Variants in RELN observed in about 807,000 individuals in gnomAD.
RELN encodes the protein reelin.
In RELN, 108 loss-of-function variants were observed where a neutral mutation model predicts 427.6. The observed-to-expected ratio is 0.25, with a 90% CI of 0.22 to 0.30. The LOEUF is 0.30. RELN is among the 10% of genes least tolerant of loss of function. RELN has a pLI of 1.00. For missense variants in RELN, 3,715 were observed against 4,302.8 expected, an observed-to-expected ratio of 0.86 and a Z score of 3.82; for synonymous variants, 1,524 against 1,513.4, an observed-to-expected ratio of 1.01 and a Z score of -0.16.
At chr7:103,779,802 G>C (rs531395985) in intron 3 of RELN, among the ~76,000 whole-genome samples, 2 of 151,988 alleles carry the variant, frequency 1.3e-5, no homozygotes, top group African/African-American at 4.8e-5. Flanking sequence ...ATCTTGGCTC[G>C]CTGCAACCAC....
chr7:103,946,782 G>T (rs1796228157), intron 1 of RELN, among the ~76,000 whole-genome samples: 1 of 152,248 alleles, frequency 6.6e-6, no homozygotes, highest in Admixed American at 6.5e-5. Flanking sequence ...TGAAATTCTT[G>T]ACACATTTGT....
At chr7:103,828,160 A>G (rs1793187127) in intron 3 of RELN, among the ~76,000 whole-genome samples, 1 of 151,996 alleles carries the variant, frequency 6.6e-6, no homozygotes, top group African/African-American at 2.4e-5. Flanking sequence ...AGAATTCTCC[A>G]GACAGTCTAG....
chr7:103,581,381 A>G (rs1446634350), intron 28 of RELN, among the ~76,000 whole-genome samples: 1 of 152,052 alleles, frequency 6.6e-6, no homozygotes, highest in African/African-American at 2.4e-5. Flanking sequence ...TATGTTGGGT[A>G]AGGGTAAAGT....
At chr7:103,956,526 A>C (rs1796437544) in intron 1 of RELN, among the ~76,000 whole-genome samples, 1 of 152,232 alleles carries the variant, frequency 6.6e-6, no homozygotes, top group East Asian at 1.9e-4. Context: ...ATCTTATGAG[A>C]AAATCTCTCC....
intron 51 of RELN, among the ~76,000 whole-genome samples, chr7:103,505,242 T>A (rs1343619232): frequency 1.3e-5 from 2 of 152,160 alleles, no homozygotes; most frequent in Admixed American, 1.3e-4. Context: ...CCTCCTCAAG[T>A]GAAACCCTGA....
chr7:103,690,908 A>G (rs1346073023), intron 10 of RELN, among the ~76,000 whole-genome samples: 1 of 152,164 alleles, frequency 6.6e-6, no homozygotes, highest in Admixed American at 6.6e-5. Flanking sequence ...GTTCTCTGTA[A>G]AAACACTGTA....
chr7:103,483,489 G>C (rs890413836), intron 62 of RELN, among the ~76,000 whole-genome samples, 164 bp downstream of exon 62: 1 of 152,208 alleles, frequency 6.6e-6, no homozygotes, highest in Admixed American at 6.5e-5. Flanking sequence ...ATCGAAAACA[G>C]TAACAGCACT....
In RELN at chr7:103,561,805, T is replaced by C. The variant is rs369159409; in HGVS notation, c.5351+8A>G. 3 of 1,613,894 alleles carry C rather than the reference T, an allele frequency of 1.9e-6. No homozygotes were observed. The highest frequency in any genetic ancestry group is 2.5e-6 in the Non-Finnish European group (3 of 1,179,902). On this transcript the variant is annotated splice_region_variant and intron_variant, in intron 35 of 64. Transcript: ENST00000428762. Reference sequence around the variant, plus strand: ...CAAAGAAAGAAACTGTCAGTTTTATTAACTTACACACAGCGTCCAGCATCA... The same window carrying C: ...CAAAGAAAGAAACTGTCAGTTTTATCAACTTACACACAGCGTCCAGCATCA...
intron 22 of RELN, among the ~76,000 whole-genome samples, chr7:103,606,197 G>T (rs780842038): frequency 6.6e-6 from 1 of 152,172 alleles, no homozygotes; most frequent in Non-Finnish European, 1.5e-5. Context: ...CACGGCCACG[G>T]GTGACTAGAT....
At chr7:103,680,550 G>A (rs1420303252) in intron 11 of RELN, among the ~76,000 whole-genome samples, 1 of 151,802 alleles carries the variant, frequency 6.6e-6, no homozygotes, top group East Asian at 1.9e-4. Context: ...CTGGTGTGCT[G>A]GTGATCCTTT....
intron 3 of RELN, among the ~76,000 whole-genome samples, chr7:103,800,501 T>C (rs1429811306): frequency 6.6e-6 from 1 of 152,196 alleles, no homozygotes; most frequent in Admixed American, 6.5e-5. Context: ...ATTTAATAAA[T>C]GGTGCTGGGA....
chr7:103,551,938 G>GTGTGTGT (rs1554376284), intron 40 of RELN, among the ~76,000 whole-genome samples: 151 of 144,828 alleles, frequency 1.0e-3, no homozygotes, highest in African/African-American at 3.6e-3. Context: ...TGTGTGTGTG[G>GTGTGTGT]GTGTGTGTGT....
intron 2 of RELN, among the ~76,000 whole-genome samples, chr7:103,910,009 G>A (rs1038976507): frequency 8.8e-5 from 12 of 136,520 alleles, no homozygotes; most frequent in African/African-American, 3.3e-4. Flanking sequence ...GGGCAGTATG[G>A]CCATTTTCAC....
intron 51 of RELN, among the ~76,000 whole-genome samples, chr7:103,507,743 A>G (rs1207013296): frequency 6.6e-6 from 1 of 152,058 alleles, no homozygotes; most frequent in Non-Finnish European, 1.5e-5. Flanking sequence ...ATGAATCCAG[A>G]AGCTGGTTTT....
At chr7:103,651,892 A>G (rs1832923861) in intron 14 of RELN, 103 bp from the exon 15 acceptor site, 4 of 1,242,958 alleles carry the variant, frequency 3.2e-6, no homozygotes, top group Non-Finnish European at 4.6e-6. Flanking sequence ...AACTGTAAAA[A>G]CAGTGTAAAA....
intron 2 of RELN, among the ~76,000 whole-genome samples, chr7:103,907,226 G>A (rs1217512465): frequency 2.0e-5 from 3 of 151,670 alleles, no homozygotes; most frequent in Non-Finnish European, 4.4e-5. Flanking sequence ...GACCATCCTG[G>A]ACAACGTGGT....
intron 1 of RELN, among the ~76,000 whole-genome samples, chr7:103,939,976 T>C (rs1003410644): frequency 6.6e-6 from 1 of 152,234 alleles, no homozygotes; most frequent in Admixed American, 6.5e-5. Context: ...CATGGGCCTG[T>C]TTAGTTCGTG....
At chr7:103,865,484 A>G (rs1033197243) in intron 2 of RELN, among the ~76,000 whole-genome samples, 5 of 152,190 alleles carry the variant, frequency 3.3e-5, no homozygotes, top group Non-Finnish European at 7.3e-5. Flanking sequence ...TAATGAACAT[A>G]AATGCAACAA....
At chr7:103,539,453 G>T in intron 44 of RELN, 126 bp from the exon 45 acceptor site, 3 of 960,578 alleles carry the variant, frequency 3.1e-6, no homozygotes, top group African/African-American at 1.6e-5. Flanking sequence ...GCACTGGACG[G>T]CCAGCAGAAT....
Sources: allele counts gnomAD v4.1 joint callset (sites outside exome capture counted in the v4.1 genomes callset), GRCh38; gene constraint gnomAD v4.1.1; transcripts MANE v1.5; gene names NCBI Gene and HGNC (gene_info 2026-07-23, HGNC 2026-07-21).